Variants in NPTN observed in about 807,000 individuals in gnomAD.
The protein encoded by NPTN is SDR-1.
A neutral mutation model predicts 42.7 loss-of-function variants in NPTN; 5 were observed. The ratio of observed to expected loss-of-function variants is 0.12; its 90% CI spans 0.06 to 0.25. The LOEUF is 0.25. Among genes scored for constraint, NPTN ranks in the 10% least tolerant of loss-of-function variants. The probability of loss-of-function intolerance (pLI) is 1.00; values close to 1 mark genes in which losing one functional copy is unlikely to be tolerated. For synonymous variants in NPTN, 180 were observed against 201.9 expected, an observed-to-expected ratio of 0.89 and a Z score of 0.92; for missense variants, 307 against 525.4, an observed-to-expected ratio of 0.58 and a Z score of 4.06.
intron 1 of NPTN, among the ~76,000 whole-genome samples, chr15:73,610,844 T>G (rs1019241657): frequency 6.6e-6 from 1 of 152,210 alleles, no homozygotes; most frequent in Non-Finnish European, 1.5e-5. Flanking sequence ...CACAGGCAAC[T>G]GAACAAGAGA....
At chr15:73,580,664 C>T (rs60696711) in intron 4 of NPTN, among the ~76,000 whole-genome samples, 1 of 146,608 alleles carries the variant, frequency 6.8e-6, no homozygotes, top group African/African-American at 2.5e-5. Context: ...ATATTTGTTA[C>T]CATGTATTAC....
At position 73,597,463 on chromosome 15, in the gene NPTN, GAA is replaced by G; in HGVS notation, c.92-96_92-95del. ...TAATAGTAATTTAAAGAAAAGAAAA[GAA>G]AAAAGCAAATGAGTTGCAAAGAACA... On this transcript the variant is annotated intron_variant, in intron 1 of 8. Transcript: ENST00000345330. The surrounding 1 kb of genome is among the most constrained non-coding windows in gnomAD (Gnocchi z 6.3). 9.8e-7 allele frequency: 1 copy of G among 1,016,646 alleles called. No individual in the cohort carries two copies. The highest frequency in any genetic ancestry group is 1.4e-6 in the Non-Finnish European group (1 of 705,190). 63.0% of individuals were successfully genotyped at this position (1,016,646 alleles called of 1,614,324 possible). A position where few individuals can be genotyped will look rare whatever the true frequency, so the allele number is the denominator to read the frequency against.
At chr15:73,609,394 G>C (rs777220419) in intron 1 of NPTN, among the ~76,000 whole-genome samples, 1 of 152,198 alleles carries the variant, frequency 6.6e-6, no homozygotes, top group Non-Finnish European at 1.5e-5. Flanking sequence ...GCTTTGGGAG[G>C]CCAAGGCAGG....
intron 4 of NPTN, among the ~76,000 whole-genome samples, chr15:73,584,875 T>A (rs944338663): frequency 2.6e-5 from 4 of 151,982 alleles, no homozygotes; most frequent in African/African-American, 9.7e-5. Flanking sequence ...TTGACGGTGA[T>A]CTACAGGCTT....
intron 4 of NPTN, among the ~76,000 whole-genome samples, chr15:73,585,149 T>C (rs114560549): frequency 1.3e-5 from 2 of 152,282 alleles, no homozygotes; most frequent in East Asian, 3.9e-4. Flanking sequence ...GAAATATATA[T>C]GCATGGTCTG....
intron 2 of NPTN, among the ~76,000 whole-genome samples, 162 bp downstream of exon 2, chr15:73,596,860 T>C (rs1954769646): frequency 6.6e-6 from 1 of 151,450 alleles, no homozygotes; most frequent in Non-Finnish European, 1.5e-5. Context: ...CACAGATGTT[T>C]TCATACACTA....
At chr15:73,592,447 C>A (rs188489820) in intron 2 of NPTN, among the ~76,000 whole-genome samples, 1,800 of 152,278 alleles carry the variant, frequency 0.012, 50 homozygotes, top group Admixed American at 0.063. Context: ...TTTATAAGAA[C>A]CACCAAACAA....
At chr15:73,602,571 G>A (rs1408779462) in intron 1 of NPTN, among the ~76,000 whole-genome samples, 1 of 152,212 alleles carries the variant, frequency 6.6e-6, no homozygotes, top group African/African-American at 2.4e-5. Context: ...ACAAACTACT[G>A]TAGAGCCTGC....
chr15:73,609,785 TAAG>T (rs1439801167), intron 1 of NPTN, among the ~76,000 whole-genome samples: 1 of 152,162 alleles, frequency 6.6e-6, no homozygotes, highest in Non-Finnish European at 1.5e-5. Context: ...TGACACATAA[TAAG>T]TATATATATT....
chr15:73,562,022 A>G (rs1187942825), intron 7 of NPTN, 52 bp from the exon 8 acceptor site: 3 of 1,318,162 alleles, frequency 2.3e-6, no homozygotes, highest in Non-Finnish European at 3.2e-6. Context: ...ATAACTTTTC[A>G]AAGTATAACA....
At chr15:73,588,143 G>A (rs867850645) in intron 3 of NPTN, among the ~76,000 whole-genome samples, 6 of 152,152 alleles carry the variant, frequency 3.9e-5, no homozygotes, top group Non-Finnish European at 7.3e-5. Context: ...GGGAGGCTGA[G>A]GCAGGAGAAT....
chr15:73,625,334 T>C (rs1192378768), intron 1 of NPTN, among the ~76,000 whole-genome samples: 1 of 152,144 alleles, frequency 6.6e-6, no homozygotes, highest in Non-Finnish European at 1.5e-5. Flanking sequence ...GACAAAAAAG[T>C]TTGAAAGCCT....
chr15:73,603,314 G>C (rs116559196), intron 1 of NPTN, among the ~76,000 whole-genome samples: 2,388 of 152,332 alleles, frequency 0.016, 86 homozygotes, highest in African/African-American at 0.054. Flanking sequence ...GCAGCCTGCA[G>C]CACTGCTCCA....
chr15:73,572,717 C>CT (rs1265163768), intron 5 of NPTN, among the ~76,000 whole-genome samples: 1 of 152,212 alleles, frequency 6.6e-6, no homozygotes, highest in Admixed American at 6.5e-5. Context: ...GGCAGGTTCT[C>CT]TAAGACCACT....
chr15:73,607,505 G>A (rs1897347057), intron 1 of NPTN, among the ~76,000 whole-genome samples: 1 of 152,096 alleles, frequency 6.6e-6, no homozygotes, highest in South Asian at 2.1e-4. Context: ...TAATCTAGAA[G>A]ACATTTTAAC....
At chr15:73,631,193 C>T (rs1898720375) in intron 1 of NPTN, among the ~76,000 whole-genome samples, 1 of 152,164 alleles carries the variant, frequency 6.6e-6, no homozygotes, top group Non-Finnish European at 1.5e-5. Flanking sequence ...ATGTTAAGAT[C>T]AAGAATCTCT....
chr15:73,633,186 C>T lies in NPTN; in HGVS notation c.30G>A (p.Leu10=). 6.5e-7 allele frequency: 1 copy of T among 1,531,744 alleles called. No individual in the cohort carries two copies. The highest frequency in any genetic ancestry group is 8.7e-7 in the Non-Finnish European group (1 of 1,144,970). The allele number at this position is 1,531,744 out of a possible 1,614,324, so 94.9% of individuals were successfully genotyped here. Residue 10 remains leucine, a synonymous_variant, in exon 1 of 9, where the codon CTG becomes CTA. Coordinates refer to ENST00000345330, the MANE Select transcript of NPTN (RefSeq NM_012428.4). Reference sequence around the variant, plus strand: ...CAGAGACCAGCAACAGCGAGAGGGCCAGGGCGCTGGGCAGCGACGAACCCG... The same window carrying T: ...CAGAGACCAGCAACAGCGAGAGGGCTAGGGCGCTGGGCAGCGACGAACCCG... MSGSSLPSA[L]ALSLLLVSGS... is the part of the protein sequence containing the mutation.
At chr15:73,585,793 C>T (rs549864257) in intron 4 of NPTN, among the ~76,000 whole-genome samples, 1 of 152,172 alleles carries the variant, frequency 6.6e-6, no homozygotes, top group Non-Finnish European at 1.5e-5. Flanking sequence ...CCACACAGGG[C>T]TATTTGTACA....
chr15:73,582,982 C>T (rs983210983), intron 4 of NPTN, among the ~76,000 whole-genome samples: 7 of 152,152 alleles, frequency 4.6e-5, no homozygotes, highest in African/African-American at 1.7e-4. Flanking sequence ...TATTGTGGGA[C>T]CTTGTGACCA....
Sources: allele counts gnomAD v4.1 joint callset (sites outside exome capture counted in the v4.1 genomes callset), GRCh38; gene constraint gnomAD v4.1.1; non-coding constraint Gnocchi (gnomAD v3.1); transcripts MANE v1.5; gene names NCBI Gene and HGNC (gene_info 2026-07-23, HGNC 2026-07-21).